The following OR51G1 variants were observed in gnomAD, a reference collection of about 807,000 sequenced individuals.
OR51G1 encodes olfactory receptor 51G1.
For missense variants in OR51G1, 454 were observed against 396.0 expected, an observed-to-expected ratio of 1.15 and a Z score of -1.24; for synonymous variants, 163 against 156.9, an observed-to-expected ratio of 1.04 and a Z score of -0.29.
In OR51G1 at chr11:4,923,678, G is replaced by A; in HGVS notation, c.662C>T (p.Ala221Val). 6.2e-7 allele frequency: 1 copy of A among 1,613,962 alleles called. No homozygotes were observed. The highest frequency in any genetic ancestry group is 1.1e-5 in the South Asian group (1 of 91,074). ...GCTGAGCACGGTGCGAAGGATGAGGGCGTATGAGAGAAAGATGAGCAGGGA... is the reference window on the plus strand; with the variant it reads ...GCTGAGCACGGTGCGAAGGATGAGGACGTATGAGAGAAAGATGAGCAGGGA... Reference protein sequence around the residue: ...VDSLLIFLSYALILRTVLSIA... With the variant: ...VDSLLIFLSYVLILRTVLSIA... Residue 221 changes from alanine (A) to valine (V), a missense_variant, in exon 1 of 1, where the codon GCC becomes GTC. Coordinates refer to ENST00000623849, the MANE Select transcript of OR51G1 (RefSeq NM_001005237.1).
rs1851221801 is a variant in OR51G1 at position 4,923,742 on chromosome 11, A to G, written c.598T>C (p.Tyr200His). ...ACSSIIVNHI[Y>H]GLFVVACTVG... The stretch of plus-strand genomic sequence containing the variant: ...GTGCAGGCCACAACAAAGAGCCCAT[A>G]GATGTGATTGACAATGATGCTAGAG... Residue 200 changes from tyrosine (Y) to histidine (H), a missense_variant, in exon 1 of 1, where the codon TAT (tyrosine) becomes CAT (histidine). Transcript: ENST00000623849. The G allele has an allele frequency of 6.2e-7, 1 of 1,614,008 alleles. No homozygotes were observed. Among genetic ancestry groups the G allele is most frequent in the Admixed American group, 1.7e-5 (1 of 60,000 alleles).
rs148836962 is a variant in OR51G1 at position 4,923,961 on chromosome 11, C to T, written c.379G>A (p.Ala127Thr). 8 of 1,614,046 alleles carry T rather than the reference C, an allele frequency of 5.0e-6. No homozygotes were observed. In the African/African-American group the frequency reaches 1.1e-4, roughly 22 times the overall value. Residue 127 changes from alanine (A) to threonine (T), a missense_variant, in exon 1 of 1, where the codon GCC (alanine) becomes ACC (threonine). Coordinates refer to ENST00000623849, the MANE Select transcript of OR51G1 (RefSeq NM_001005237.1). ...GAGTCATGCAGTGGGTTGCAGACGG[C>T]CACGTAGCGGTCAATGGACATGGAT... ...LLSMSIDRYV[A>T]VCNPLHDSTV...
rs1168694530 is a variant in OR51G1, at chr11:4,923,637, C to G, written c.703G>C (p.Glu235Gln). The G allele has an allele frequency of 6.2e-7, 1 of 1,613,728 alleles. No individual in the cohort carries two copies. Among genetic ancestry groups the G allele is most frequent in the Non-Finnish European group, 8.5e-7 (1 of 1,179,870 alleles). ...CAGGTGTTGAGGGCTCGGAGTCGCT[C>G]CTGGTGGGAGGCAATGCTGAGCACG... is the stretch of plus-strand genomic sequence containing the variant. ...RTVLSIASHQ[E>Q]RLRALNTCVS... The change falls in exon 1 of 1, where the codon GAG becomes CAG. Residue 235 changes from glutamate (E) to glutamine (Q), a missense_variant. Transcript: ENST00000623849.
At position 4,924,066 on chromosome 11, in the gene OR51G1, T is replaced by TG. The variant is rs754290853; in HGVS notation, c.273dup (p.Arg92GlnfsTer32). On this transcript the variant is annotated frameshift_variant, in exon 1 of 1. Transcript: ENST00000623849. LOFTEE classifies it low-confidence loss of function (END_TRUNC). ...AAACAGGCAGGGATGCCAATCTCTC[T>TG]GGTATCAAACCAGAAAATGCCCAGC... The TG allele has an allele frequency of 1.2e-6, 2 of 1,613,988 alleles. No homozygotes were observed. Among genetic ancestry groups the TG allele is most frequent in the Non-Finnish European group, 1.7e-6 (2 of 1,180,030 alleles).
Sources: allele counts gnomAD v4.1 joint callset, GRCh38; gene constraint gnomAD v4.1.1; transcripts MANE v1.5; gene names NCBI Gene and HGNC (gene_info 2026-07-23, HGNC 2026-07-21).